The following LRRC49 variants were observed in gnomAD, a reference collection of about 807,000 sequenced individuals.
The protein encoded by LRRC49 is leucine-rich repeat-containing protein 49.
Under a neutral mutation model 83.3 loss-of-function variants are expected in LRRC49, and 50 were observed. The observed-to-expected ratio is 0.60, with a 90% CI of 0.48 to 0.76. The LOEUF (loss-of-function observed/expected upper bound fraction) is 0.76, where lower values mean the gene tolerates loss of function less well. Among genes scored for constraint, LRRC49 ranks in the 30% least tolerant of loss-of-function variants. The pLI, the probability that LRRC49 is intolerant of heterozygous loss-of-function variation, is 0.00. For missense variants in LRRC49, 704 were observed against 809.1 expected, an observed-to-expected ratio of 0.87 and a Z score of 1.58; for synonymous variants, 286 against 283.3, an observed-to-expected ratio of 1.01 and a Z score of -0.10.
chr15:70,969,907 A>G (rs1231528813), intron 9 of LRRC49, among the ~76,000 whole-genome samples: 2 of 152,158 alleles, frequency 1.3e-5, no homozygotes, highest in African/African-American at 4.8e-5. Flanking sequence ...TAAATATACA[A>G]TCATATCATC....
intron 11 of LRRC49, 71 bp downstream of exon 11, chr15:70,984,328 T>C: frequency 7.8e-7 from 1 of 1,282,242 alleles, no homozygotes. Context: ...TTAGAAACCA[T>C]TTTACATATA....
At chr15:70,959,975 C>T (rs2036549887) in intron 8 of LRRC49, among the ~76,000 whole-genome samples, 1 of 152,192 alleles carries the variant, frequency 6.6e-6, no homozygotes, top group East Asian at 1.9e-4. Context: ...AGGGAATATA[C>T]TCAATAGATA....
intron 14 of LRRC49, among the ~76,000 whole-genome samples, chr15:71,031,955 G>A (rs913653799): frequency 6.6e-6 from 1 of 152,186 alleles, no homozygotes; most frequent in Non-Finnish European, 1.5e-5. Flanking sequence ...CCCACTGAGT[G>A]AGACCACTTG....
chr15:71,015,135 A>G (rs1375214849), intron 14 of LRRC49, among the ~76,000 whole-genome samples: 3 of 152,208 alleles, frequency 2.0e-5, no homozygotes, highest in Non-Finnish European at 2.9e-5. Context: ...AGTGGGGTAG[A>G]CAGTGGACAC....
intron 14 of LRRC49, among the ~76,000 whole-genome samples, chr15:71,020,942 A>C (rs2038974381): frequency 6.6e-6 from 1 of 152,234 alleles, no homozygotes; most frequent in Non-Finnish European, 1.5e-5. Flanking sequence ...TGACCATATA[A>C]ATTAGGAGTA....
At chr15:71,020,575 G>A (rs967266659) in intron 14 of LRRC49, among the ~76,000 whole-genome samples, 4 of 152,180 alleles carry the variant, frequency 2.6e-5, no homozygotes, top group African/African-American at 9.6e-5. Flanking sequence ...AAACAACCAG[G>A]AAAAGAGAAG....
intron 8 of LRRC49, among the ~76,000 whole-genome samples, chr15:70,955,871 C>T (rs1229540901): frequency 6.6e-6 from 1 of 152,092 alleles, no homozygotes; most frequent in East Asian, 1.9e-4. Context: ...ATATATTATA[C>T]ATCTTTCTAG....
At chr15:71,017,286 TA>T (rs1347959642) in intron 14 of LRRC49, among the ~76,000 whole-genome samples, 1 of 152,146 alleles carries the variant, frequency 6.6e-6, no homozygotes, top group Non-Finnish European at 1.5e-5. Flanking sequence ...CTCAGGACCC[TA>T]AAACAAGATA....
Position 71,049,699 on chromosome 15 carries a change from A to C in LRRC49, c.*87A>C. On this transcript the variant is annotated 3_prime_UTR_variant, in exon 16 of 16. Transcript: ENST00000260382. ...GGTTATACATGTTAAAACAACAACA[A>C]CACTATCCTATAAACTAGAAAGACT... 2.5e-6 allele frequency: 2 copies of C among 809,500 alleles called. No individual in the cohort carries two copies. The highest frequency in any genetic ancestry group is 2.0e-6 in the Non-Finnish European group (1 of 497,828). 50.1% of individuals were successfully genotyped at this position (809,500 alleles called of 1,614,324 possible). A position where few individuals can be genotyped will look rare whatever the true frequency, so the allele number is the denominator to read the frequency against.
At chr15:70,979,893 G>A (rs2037339217) in intron 9 of LRRC49, among the ~76,000 whole-genome samples, 1 of 151,930 alleles carries the variant, frequency 6.6e-6, no homozygotes, top group Admixed American at 6.6e-5. Flanking sequence ...TCCAGAGTTG[G>A]GAATAGAGTT....
At chr15:70,856,243 G>T (rs2032651216) in intron 1 of LRRC49, among the ~76,000 whole-genome samples, 1 of 152,014 alleles carries the variant, frequency 6.6e-6, no homozygotes, top group East Asian at 1.9e-4. Context: ...CTTGGTGAGA[G>T]TTTTGAAAAA....
intron 2 of LRRC49, among the ~76,000 whole-genome samples, chr15:70,883,473 C>T (rs988418092): frequency 5.6e-4 from 85 of 152,056 alleles, no homozygotes; most frequent in African/African-American, 2.0e-3. Context: ...GGTTTACAGG[C>T]GTGAGGCACC....
At chr15:71,010,629 G>A (rs910652155) in intron 13 of LRRC49, among the ~76,000 whole-genome samples, 19 of 152,016 alleles carry the variant, frequency 1.2e-4, no homozygotes, top group Non-Finnish European at 2.1e-4. Flanking sequence ...GGTAACTCAG[G>A]TCTGGAGCTG....
rs773508395 is a variant in LRRC49 at position 70,893,630 on chromosome 15, A to G, written c.95A>G (p.Glu32Gly). The G allele has an allele frequency of 3.7e-6, 6 of 1,609,772 alleles. No homozygotes were observed. Residue 32 changes from glutamate (E) to glycine (G), a missense_variant, in exon 2 of 16, where the codon GAA becomes GGA. Physicochemically the swap from Glu to Gly is moderately conservative, Grantham distance 98. Coordinates refer to ENST00000260382, the MANE Select transcript of LRRC49 (RefSeq NM_017691.5). ...GTTATTCAAACATCATCGCTTCCTG[A>G]AAAAAACAAAGTAAGATTTAAGAAG... ...HLVIQTSSLP[E>G]KNKVEFKLNK...
intron 2 of LRRC49, chr15:70,882,578 G>C (rs2033290256): frequency 6.2e-7 from 1 of 1,613,758 alleles, no homozygotes; most frequent in Non-Finnish European, 8.5e-7. Context: ...GGAAGTTCTA[G>C]ACCACAATTC....
At chr15:70,891,969 C>T (rs1326190929), upstream of LRRC49, 8 of 1,613,448 alleles carry the variant, frequency 5.0e-6, no homozygotes, top group Middle Eastern at 3.3e-4. Context: ...TGGTCTCCCT[C>T]CTCTCCCCTC....
intron 14 of LRRC49, among the ~76,000 whole-genome samples, chr15:71,030,405 C>T (rs1412443508): frequency 2.6e-5 from 4 of 152,176 alleles, no homozygotes; most frequent in Non-Finnish European, 4.4e-5. Flanking sequence ...TGACGGGCTT[C>T]CCTTTGTGGG....
At chr15:70,885,150 G>C (rs2033371788) in intron 2 of LRRC49, among the ~76,000 whole-genome samples, 1 of 152,118 alleles carries the variant, frequency 6.6e-6, no homozygotes, top group Non-Finnish European at 1.5e-5. Flanking sequence ...CTTAGAGGCA[G>C]AATTTCCAGG....
intron 6 of LRRC49, among the ~76,000 whole-genome samples, chr15:70,916,415 C>T (rs2034775827): frequency 6.6e-6 from 1 of 152,138 alleles, no homozygotes; most frequent in African/African-American, 2.4e-5. Context: ...TTGCCTTAGC[C>T]TCCTGAATAG....
Sources: gnomAD v4.1 joint callset for allele counts (sites outside exome capture counted in the v4.1 genomes callset) on GRCh38, gnomAD v4.1.1 for gene constraint, MANE v1.5 for transcripts, NCBI Gene and HGNC (gene_info 2026-07-23, HGNC 2026-07-21) for gene names.